Variants in GRID2 observed in about 807,000 individuals in gnomAD.
GRID2 encodes glutamate ionotropic receptor delta type subunit 2, also known as glutamate receptor ionotropic, delta-2.
GRID2 carries 33 observed loss-of-function variants against 114.8 expected under a neutral mutation model. The ratio of observed to expected loss-of-function variants is 0.29; its 90% confidence interval spans 0.22 to 0.38. The LOEUF is 0.38. GRID2 is among the 10% of genes least tolerant of loss of function. The pLI, the probability that GRID2 is intolerant of heterozygous loss-of-function variation, is 1.00. For synonymous variants in GRID2, 505 were observed against 449.9 expected (o/e 1.12, Z -1.55); for missense variants, 1,184 against 1,257.7 (o/e 0.94, Z 0.89).
rs76186289 is a variant in GRID2, at chr4:93,658,606, C to G, written c.2360+32171C>G. 5.8e-3 allele frequency among the ~76,000 whole-genome samples: 878 copies of G among 152,186 alleles called. 11 individuals carry two copies. Among genetic ancestry groups the G allele is most frequent in the African/African-American group, 0.019 (808 of 41,526 alleles). On this transcript the variant is annotated intron_variant, in intron 14 of 15. Transcript: ENST00000282020. Reference sequence around the variant, plus strand: ...GTATTCAAACCCTTATAGTCTGGCTCCAGAGTCCATGCTCTCATCCCCTCT... The same window carrying G: ...GTATTCAAACCCTTATAGTCTGGCTGCAGAGTCCATGCTCTCATCCCCTCT...
chr4:93,357,008 T>A (rs1359153038), intron 8 of GRID2, among the ~76,000 whole-genome samples: 1 of 151,740 alleles, frequency 6.6e-6, no homozygotes, highest in East Asian at 1.9e-4. Flanking sequence ...TAATTTGGAA[T>A]ATCTATATTT....
intron 2 of GRID2, among the ~76,000 whole-genome samples, chr4:92,899,025 G>T (rs978104382): frequency 1.3e-5 from 2 of 151,898 alleles, no homozygotes; most frequent in African/African-American, 4.8e-5. Flanking sequence ...TCATATTAAA[G>T]CATCTTCAAT....
intron 13 of GRID2, among the ~76,000 whole-genome samples, chr4:93,560,222 TAAAAAAA>T (rs70942974): frequency 9.3e-5 from 4 of 42,954 alleles, no homozygotes; most frequent in East Asian, 2.9e-3. Context: ...GAACTTAAAG[TAAAAAAA>T]AAAAAAAAAA....
At chr4:93,257,734 A>G (rs1303000761) in intron 8 of GRID2, among the ~76,000 whole-genome samples, 3 of 151,436 alleles carry the variant, frequency 2.0e-5, no homozygotes, top group Non-Finnish European at 4.4e-5. Flanking sequence ...CTCATATAAT[A>G]TAATGAAAAT....
chr4:93,163,354 GTGTATATATATATATATATA>G (rs1737877161), intron 4 of GRID2, among the ~76,000 whole-genome samples: 1 of 28,506 alleles, frequency 3.5e-5, no homozygotes, highest in African/African-American at 2.0e-4. Context: ...TTTTTTTTTT[GTGTATATATATATATATATA>G]TATATATATA....
chr4:93,140,638 G>A (rs184374613), intron 4 of GRID2, among the ~76,000 whole-genome samples: 1 of 152,236 alleles, frequency 6.6e-6, no homozygotes, highest in African/African-American at 2.4e-5. Context: ...AATAAGTCAA[G>A]GATACAGTGA....
At chr4:93,377,830 C>A (rs1421841323) in intron 8 of GRID2, among the ~76,000 whole-genome samples, 1 of 151,724 alleles carries the variant, frequency 6.6e-6, no homozygotes, top group Admixed American at 6.6e-5. Context: ...GCTACAGTAA[C>A]CTGGCATTTT....
At position 93,512,974 on chromosome 4, in the gene GRID2, T is replaced by C. The variant is rs536435914; in HGVS notation, c.1998-2242T>C. ...CCAGGGTGACTATTTGGGCAACCCA[T>C]TTATATATTTAAATGAAGGCACTGA... On this transcript the variant is annotated intron_variant, in intron 12 of 15. Coordinates refer to ENST00000282020, the MANE Select transcript of GRID2 (RefSeq NM_001510.4). Among the ~76,000 whole-genome samples the C allele has an allele frequency of 1.2e-3, 176 of 152,254 alleles. 1 individual carries two copies. Among genetic ancestry groups the C allele is most frequent in the African/African-American group, 4.1e-3 (172 of 41,564 alleles).
At chr4:93,563,293 T>C (rs1330468064) in intron 13 of GRID2, among the ~76,000 whole-genome samples, 1 of 151,990 alleles carries the variant, frequency 6.6e-6, no homozygotes, top group Admixed American at 6.6e-5. Context: ...TCCTTTATAT[T>C]TTCTTAGCTC....
intron 1 of GRID2, among the ~76,000 whole-genome samples, chr4:92,388,910 G>C (rs537446823): frequency 1.3e-5 from 2 of 152,174 alleles, no homozygotes; most frequent in African/African-American, 4.8e-5. Context: ...AAAAGGTTTT[G>C]TGGTCAATGA....
chr4:93,277,878 T>A (rs1229349443), intron 8 of GRID2, among the ~76,000 whole-genome samples: 1 of 151,918 alleles, frequency 6.6e-6, no homozygotes, highest in East Asian at 1.9e-4. Context: ...GAACACGTAT[T>A]GAATTTTCAA....
intron 1 of GRID2, among the ~76,000 whole-genome samples, chr4:92,486,557 A>T (rs1195821271): frequency 0.01 from 1,534 of 149,038 alleles, 28 homozygotes; most frequent in African/African-American, 0.036. Context: ...TCACACACAC[A>T]CACACACACA....
chr4:93,064,112 A>G (rs570792844), intron 2 of GRID2, among the ~76,000 whole-genome samples: 3 of 124,512 alleles, frequency 2.4e-5, no homozygotes, highest in African/African-American at 9.3e-5. Context: ...AACTTATAAC[A>G]TTAATTTATT....
At chr4:92,949,706 T>C (rs1207962920) in intron 2 of GRID2, among the ~76,000 whole-genome samples, 1 of 151,782 alleles carries the variant, frequency 6.6e-6, no homozygotes, top group Non-Finnish European at 1.5e-5. Flanking sequence ...GTCAAATATC[T>C]CAGTGTAGGA....
intron 2 of GRID2, among the ~76,000 whole-genome samples, chr4:92,827,717 T>TA (rs890281369): frequency 2.0e-5 from 3 of 151,962 alleles, no homozygotes; most frequent in African/African-American, 4.8e-5. Flanking sequence ...GCTCAACGAA[T>TA]AAAAAAATGA....
intron 1 of GRID2, among the ~76,000 whole-genome samples, chr4:92,460,062 A>ATATATATATATATATAT (rs1721422561): frequency 7.5e-6 from 1 of 133,966 alleles, no homozygotes; most frequent in African/African-American, 2.9e-5. Context: ...ATACACACAC[A>ATATATATATATATATAT]ACTTTTTGGT....
intron 14 of GRID2, among the ~76,000 whole-genome samples, chr4:93,657,416 T>C (rs554350043): frequency 2.0e-5 from 3 of 152,300 alleles, no homozygotes; most frequent in African/African-American, 4.8e-5. Context: ...GCTTCGGAGA[T>C]ACAGAGGAGC....
intron 13 of GRID2, among the ~76,000 whole-genome samples, chr4:93,551,893 A>G (rs922959065): frequency 1.3e-5 from 2 of 152,046 alleles, no homozygotes; most frequent in African/African-American, 4.8e-5. Flanking sequence ...TAATTTTTTT[A>G]TTATGCTTTA....
intron 14 of GRID2, among the ~76,000 whole-genome samples, chr4:93,744,637 T>C (rs1240194794): frequency 6.6e-6 from 1 of 152,206 alleles, no homozygotes; most frequent in Non-Finnish European, 1.5e-5. Flanking sequence ...CTGGTGAAGA[T>C]GCTGTGAACA....
Sources: allele counts gnomAD v4.1 joint callset (sites outside exome capture counted in the v4.1 genomes callset), GRCh38; gene constraint gnomAD v4.1.1; transcripts MANE v1.5; gene names NCBI Gene and HGNC (gene_info 2026-07-23, HGNC 2026-07-21).